Variants in OSBPL3 observed in about 807,000 individuals in gnomAD.
OSBPL3 encodes the protein oxysterol binding protein like 3.
Under a neutral mutation model 120.1 loss-of-function variants are expected in OSBPL3, and 65 were observed. The ratio of observed to expected loss-of-function variants is 0.54; its 90% CI spans 0.44 to 0.67. The LOEUF is 0.67. Ranked by LOEUF, OSBPL3 falls within the 30% of genes least tolerant of loss-of-function variation. The probability of loss-of-function intolerance (pLI) is 0.00; values close to 1 mark genes in which losing one functional copy is unlikely to be tolerated. For missense variants in OSBPL3, 1,004 were observed against 1,082.1 expected (o/e 0.93, Z 1.01); for synonymous variants, 416 against 402.6 (o/e 1.03, Z -0.40).
At chr7:24,885,407 T>C (rs1247189922) in intron 2 of OSBPL3, among the ~76,000 whole-genome samples, 1 of 152,100 alleles carries the variant, frequency 6.6e-6, no homozygotes, top group African/African-American at 2.4e-5. Flanking sequence ...CTGGGCTCTC[T>C]GGAGTGCGGC....
Position 24,892,570 on chromosome 7 carries a change from T to C in OSBPL3, c.-98A>G. On this transcript the variant is annotated 5_prime_UTR_variant, in exon 2 of 23. The change creates a new upstream start codon in the 5' untranslated region. Transcript: ENST00000313367. Reference sequence around the variant, plus strand: ...CCCCAGTGGCAGGTGGTTTAGCTCTTATCCAAAGTATTTAAAAAACATTTT... The same window carrying C: ...CCCCAGTGGCAGGTGGTTTAGCTCTCATCCAAAGTATTTAAAAAACATTTT... The C allele has an allele frequency of 6.8e-7, 1 of 1,469,406 alleles. No homozygotes were observed. Among genetic ancestry groups the C allele is most frequent in the East Asian group, 2.4e-5 (1 of 41,998 alleles). The allele number at this position is 1,469,406 out of a possible 1,614,324, so 91.0% of individuals were successfully genotyped here. A position where few individuals can be genotyped will look rare whatever the true frequency, so the allele number is the denominator to read the frequency against.
intron 1 of OSBPL3, among the ~76,000 whole-genome samples, chr7:24,901,195 C>T (rs1204094225): frequency 6.6e-6 from 1 of 151,914 alleles, no homozygotes; most frequent in East Asian, 1.9e-4. Context: ...GGCACAGTGG[C>T]AGGCGCCTGT....
chr7:24,897,451 G>A (rs942294551), intron 1 of OSBPL3, among the ~76,000 whole-genome samples: 7 of 146,492 alleles, frequency 4.8e-5, no homozygotes, highest in South Asian at 4.6e-4. Flanking sequence ...TCAGCCTCCC[G>A]AGTAGCTGGG....
intron 1 of OSBPL3, among the ~76,000 whole-genome samples, chr7:24,909,540 G>A (rs918905504): frequency 2.0e-5 from 3 of 152,062 alleles, no homozygotes; most frequent in African/African-American, 7.2e-5. Flanking sequence ...AACTTTAATC[G>A]TGTTAAAGTT....
At chr7:24,816,790 T>C in intron 17 of OSBPL3, 102 bp from the exon 18 acceptor site, 1 of 773,082 alleles carries the variant, frequency 1.3e-6, no homozygotes, top group Non-Finnish European at 2.3e-6. Flanking sequence ...GTACAACCTC[T>C]TCACAATCAA....
intron 5 of OSBPL3, 22 bp downstream of exon 5, chr7:24,870,710 G>A (rs1278940803): frequency 7.1e-7 from 1 of 1,401,028 alleles, no homozygotes; most frequent in Non-Finnish European, 1.0e-6. Context: ...AGTGAACTCT[G>A]CACAGTGGGA....
chr7:24,969,361 T>G (rs1816750134), intron 1 of OSBPL3, among the ~76,000 whole-genome samples: 4 of 152,242 alleles, frequency 2.6e-5, no homozygotes, highest in Admixed American at 2.6e-4. Context: ...TTGGAGTTCT[T>G]TATATATTGA....
In OSBPL3 at chr7:24,940,912, C is replaced by T. The variant is rs992170106; in HGVS notation, c.-150+38974G>A. On this transcript the variant is annotated intron_variant, in intron 1 of 22. Transcript: ENST00000313367. This position sits in a 1 kb window ranked among gnomAD's most constrained non-coding sequence, Gnocchi z 4.4. ...TCGGCTCACTGCAAGCTCTGCCTCC[C>T]GGGTTCAAGCCATTCTCCTGCCCCA... Among the ~76,000 whole-genome samples the T allele has an allele frequency of 1.3e-5, 2 of 151,856 alleles. No homozygotes were observed. Among genetic ancestry groups the T allele is most frequent in the Non-Finnish European group, 1.5e-5 (1 of 67,964 alleles).
chr7:24,964,861 T>C lies in OSBPL3; in HGVS notation c.-150+15025A>G, dbSNP rs1042513288. Among the ~76,000 whole-genome samples the C allele has an allele frequency of 8.5e-5, 13 of 152,214 alleles. 1 individual carries two copies. The highest frequency in any genetic ancestry group is 6.5e-4 in the Admixed American group (10 of 15,284). On this transcript the variant is annotated intron_variant, in intron 1 of 22. Transcript: ENST00000313367. This position sits in a 1 kb window ranked among gnomAD's most constrained non-coding sequence, Gnocchi z 4.2. ...TTCTAAACTTAAAAGTTGTTTTGTG[T>C]TGGGGGCTGTGATTAAAATAAGTAA... is the stretch of plus-strand genomic sequence containing the variant.
intron 1 of OSBPL3, among the ~76,000 whole-genome samples, chr7:24,915,980 C>T (rs900110775): frequency 6.6e-6 from 1 of 152,178 alleles, no homozygotes; most frequent in Admixed American, 6.5e-5. Context: ...ATTAGAGCTA[C>T]AGAGTGTTAA....
At chr7:24,901,119 A>G (rs542553501) in intron 1 of OSBPL3, among the ~76,000 whole-genome samples, 1 of 152,106 alleles carries the variant, frequency 6.6e-6, no homozygotes, top group African/African-American at 2.4e-5. Flanking sequence ...CACGAGGTCA[A>G]GAGTTCGAGA....
Position 24,866,177 on chromosome 7 carries a change from G to A in OSBPL3, c.442C>T (p.Arg148Cys), listed in dbSNP as rs1278380840. Residue 148 changes from arginine to cysteine, a missense_variant, in exon 6 of 23, where the codon CGT (arginine) becomes TGT (cysteine). Physicochemically the swap from Arg to Cys is radical, Grantham distance 180. Coordinates refer to ENST00000313367, the MANE Select transcript of OSBPL3 (RefSeq NM_015550.4). ...VSKLRHHRMY[R>C]QNEIAMFPHE... ...GGAAACATGGCAATTTCATTCTGAC[G>A]ATACATTCTGTGGTGGCGAAGTTTC... The A allele has an allele frequency of 8.7e-6, 14 of 1,612,328 alleles. No homozygotes were observed. Among genetic ancestry groups the A allele is most frequent in the Middle Eastern group, 1.6e-4 (1 of 6,078 alleles).
At chr7:24,846,296 A>T (rs1249836284) in intron 12 of OSBPL3, among the ~76,000 whole-genome samples, 1 of 152,220 alleles carries the variant, frequency 6.6e-6, no homozygotes, top group Non-Finnish European at 1.5e-5. Context: ...ATGTGAATTT[A>T]AATCTCAGCT....
rs1438310795 is a variant in OSBPL3 at position 24,947,473 on chromosome 7, A to C, written c.-150+32413T>G. 6.6e-6 allele frequency among the ~76,000 whole-genome samples: 1 copy of C among 152,154 alleles called. No homozygotes were observed. The highest frequency in any genetic ancestry group is 2.4e-5 in the African/African-American group (1 of 41,438). ...GACTGCTGCTTTTGCTCCCCACGTG[A>C]CTACCCCTGAAAGCTGCATATTTTT... is the stretch of plus-strand genomic sequence containing the variant. On this transcript the variant is annotated intron_variant, in intron 1 of 22. Transcript: ENST00000313367. The surrounding 1 kb of genome is among the most constrained non-coding windows in gnomAD (Gnocchi z 4.4).
At chr7:24,857,684 A>G (rs1800009075) in intron 10 of OSBPL3, among the ~76,000 whole-genome samples, 1 of 152,216 alleles carries the variant, frequency 6.6e-6, no homozygotes, top group African/African-American at 2.4e-5. Flanking sequence ...ATGTTTTTTA[A>G]AGTATGTTTC....
rs544383890 is a variant in OSBPL3, at chr7:24,915,730, T to C, written c.-149-23109A>G. On this transcript the variant is annotated intron_variant, in intron 1 of 22. Transcript: ENST00000313367. The stretch of plus-strand genomic sequence containing the variant: ...CTGAAATTACAGGCAGCTGCCATCA[T>C]GCCCAGCTGATTTTTGTATTTTTAG... Among the ~76,000 whole-genome samples the C allele has an allele frequency of 5.9e-5, 9 of 152,232 alleles. No homozygotes were observed. The South Asian group carries it at 1.0e-3, about 18-fold the overall frequency.
rs146782395 is a variant in OSBPL3, at chr7:24,912,063, C to T, written c.-149-19442G>A. Among the ~76,000 whole-genome samples the T allele has an allele frequency of 3.3e-3, 504 of 152,262 alleles. 1 individual carries two copies. In the Middle Eastern group the frequency reaches 0.037, roughly 11 times the overall value. On this transcript the variant is annotated intron_variant, in intron 1 of 22. Coordinates refer to ENST00000313367, the MANE Select transcript of OSBPL3 (RefSeq NM_015550.4). The surrounding 1 kb of genome is among the most constrained non-coding windows in gnomAD (Gnocchi z 4.5). ...TGTTTTTGTTTTTTCTTAATTGACA[C>T]GGTAGGTAGTAGGTTATTTGTTTAT...
intron 12 of OSBPL3, among the ~76,000 whole-genome samples, chr7:24,845,437 TTGTGTGTATG>T (rs1292741838): frequency 3.0e-4 from 43 of 141,642 alleles, no homozygotes; most frequent in Non-Finnish European, 5.6e-4. Flanking sequence ...CTATCTGTAT[TTGTGTGTATG>T]TGTGTGTGTG....
chr7:24,968,013 T>G lies in OSBPL3; in HGVS notation c.-150+11873A>C, dbSNP rs1386902912. Among the ~76,000 whole-genome samples, 1 of 152,218 alleles carries G rather than the reference T, an allele frequency of 6.6e-6. No individual in the cohort carries two copies. Among genetic ancestry groups the G allele is most frequent in the Non-Finnish European group, 1.5e-5 (1 of 68,036 alleles). ...CATACGCCTGAAACTCTGCAGTTAC[T>G]TTTTGGTTTGCTTTATATATTTACT... On this transcript the variant is annotated intron_variant, in intron 1 of 22. Coordinates refer to ENST00000313367, the MANE Select transcript of OSBPL3 (RefSeq NM_015550.4). The surrounding 1 kb of genome is among the most constrained non-coding windows in gnomAD (Gnocchi z 4.6).
Sources: gnomAD v4.1 joint callset for allele counts (sites outside exome capture counted in the v4.1 genomes callset) on GRCh38, gnomAD v4.1.1 for gene constraint, Gnocchi (gnomAD v3.1) non-coding constraint, MANE v1.5 for transcripts, NCBI Gene and HGNC (gene_info 2026-07-23, HGNC 2026-07-21) for gene names.